EPHA3: variants seen among roughly 807,000 people sequenced by gnomAD.
EPHA3 encodes EPH receptor A3.
A neutral mutation model predicts 107.1 loss-of-function variants in EPHA3; 42 were observed. The ratio of observed to expected loss-of-function variants is 0.39; its 90% confidence interval spans 0.31 to 0.51. The LOEUF (loss-of-function observed/expected upper bound fraction) is 0.51. Among genes scored for constraint, EPHA3 ranks in the 20% least tolerant of loss-of-function variants. EPHA3 has a pLI of 0.78. For missense variants in EPHA3, 1,183 were observed against 1,211.2 expected, an observed-to-expected ratio of 0.98 and a Z score of 0.35; for synonymous variants, 461 against 424.8, an observed-to-expected ratio of 1.09 and a Z score of -1.05.
chr3:89,306,565 G>A (rs776035004), intron 3 of EPHA3, among the ~76,000 whole-genome samples: 3 of 152,056 alleles, frequency 2.0e-5, no homozygotes, highest in Non-Finnish European at 4.4e-5. Context: ...GTTGAATGTG[G>A]CCCAACCTTC....
At position 89,232,213 on chromosome 3, in the gene EPHA3, C is replaced by A. The variant is rs143037391; in HGVS notation, c.814+21693C>A. Among the ~76,000 whole-genome samples the A allele has an allele frequency of 5.3e-3, 812 of 152,030 alleles. 7 individuals carry two copies. The highest frequency in any genetic ancestry group is 0.018 in the African/African-American group (761 of 41,450). On this transcript the variant is annotated intron_variant, in intron 3 of 16. Coordinates refer to ENST00000336596, the MANE Select transcript of EPHA3 (RefSeq NM_005233.6). ...TATTTCCATTTGCTTATAAAAAATT[C>A]CTTAAGGAATTTTAATTCACATGTA...
Position 89,171,445 on chromosome 3 carries a change from A to G in EPHA3, c.154-38415A>G, listed in dbSNP as rs146397222. 2.7e-4 allele frequency among the ~76,000 whole-genome samples: 41 copies of G among 152,306 alleles called. No homozygotes were observed. The East Asian group carries it at 7.9e-3, about 29-fold the overall frequency. On this transcript the variant is annotated intron_variant, in intron 2 of 16. Transcript: ENST00000336596. Reference sequence around the variant, plus strand: ...TACAATGAAGCAAGCAATGGATATAATAGGTGTTTTTCTTATGACACAAAT... The same window carrying G: ...TACAATGAAGCAAGCAATGGATATAGTAGGTGTTTTTCTTATGACACAAAT...
At chr3:89,294,958 A>G (rs569383012) in intron 3 of EPHA3, among the ~76,000 whole-genome samples, 4 of 152,168 alleles carry the variant, frequency 2.6e-5, no homozygotes, top group Admixed American at 6.6e-5. Flanking sequence ...CAGTTAAATT[A>G]TTGAAAAACA....
intron 13 of EPHA3, among the ~76,000 whole-genome samples, chr3:89,433,626 T>A (rs1258857265): frequency 3.3e-5 from 5 of 152,310 alleles, no homozygotes; most frequent in Middle Eastern, 3.4e-3. Context: ...GAGTATTTTT[T>A]AAAAAGTCCT....
chr3:89,207,740 C>T (rs565640820), intron 2 of EPHA3, among the ~76,000 whole-genome samples: 2 of 152,048 alleles, frequency 1.3e-5, no homozygotes, highest in East Asian at 3.9e-4. Flanking sequence ...ATAAATTTAA[C>T]TACAATATTT....
chr3:89,189,246 C>T (rs551263643), intron 2 of EPHA3, among the ~76,000 whole-genome samples: 2 of 152,284 alleles, frequency 1.3e-5, no homozygotes, highest in East Asian at 3.9e-4. Context: ...AAAGTCCAAA[C>T]CTTCATTTCA....
At chr3:89,128,109 T>C (rs2106977228) in intron 2 of EPHA3, among the ~76,000 whole-genome samples, 1 of 152,300 alleles carries the variant, frequency 6.6e-6, no homozygotes, top group South Asian at 2.1e-4. Context: ...TGTATTCCTG[T>C]CCTTCTATGA....
chr3:89,164,793 C>T (rs1705028434), intron 2 of EPHA3, among the ~76,000 whole-genome samples: 1 of 152,066 alleles, frequency 6.6e-6, no homozygotes, highest in African/African-American at 2.4e-5. Context: ...GGATAATGCC[C>T]CAGAACACCC....
At chr3:89,429,854 G>T (rs994250552) in intron 12 of EPHA3, among the ~76,000 whole-genome samples, 2 of 152,060 alleles carry the variant, frequency 1.3e-5, no homozygotes, top group Non-Finnish European at 1.5e-5. Context: ...ATCCCCGCCT[G>T]CTGGGTTCAA....
At chr3:89,340,351 A>G (rs568252223) in intron 3 of EPHA3, among the ~76,000 whole-genome samples, 20 of 152,324 alleles carry the variant, frequency 1.3e-4, no homozygotes, top group Non-Finnish European at 2.8e-4. Flanking sequence ...GGCCATTGCC[A>G]TAGGAAGTAA....
At chr3:89,422,538 C>T (rs1297327784) in intron 11 of EPHA3, among the ~76,000 whole-genome samples, 2 of 151,284 alleles carry the variant, frequency 1.3e-5, no homozygotes, top group African/African-American at 4.8e-5. Context: ...CATTTCTTCG[C>T]TTGTAACAAA....
intron 2 of EPHA3, among the ~76,000 whole-genome samples, chr3:89,191,473 AT>A (rs1365177031): frequency 6.6e-6 from 1 of 151,702 alleles, no homozygotes; most frequent in African/African-American, 2.4e-5. Flanking sequence ...CGCCCGGCTA[AT>A]TTTTTGTATT....
At chr3:89,195,770 C>A (rs1448147653) in intron 2 of EPHA3, among the ~76,000 whole-genome samples, 5 of 152,118 alleles carry the variant, frequency 3.3e-5, no homozygotes, top group Non-Finnish European at 7.4e-5. Context: ...ACTCTCAGAT[C>A]CATCTGCCTC....
chr3:89,450,010 C>T (rs1709954769), intron 14 of EPHA3, among the ~76,000 whole-genome samples, 167 bp from the exon 15 acceptor site: 2 of 152,054 alleles, frequency 1.3e-5, no homozygotes, highest in Admixed American at 6.6e-5. Context: ...GCATACATAA[C>T]GTCTTATTTA....
At chr3:89,380,606 A>G (rs542369678) in intron 5 of EPHA3, among the ~76,000 whole-genome samples, 1 of 152,330 alleles carries the variant, frequency 6.6e-6, no homozygotes, top group South Asian at 2.1e-4. Context: ...AAGAGGAGGT[A>G]GTGCTAGAAA....
intron 3 of EPHA3, among the ~76,000 whole-genome samples, chr3:89,217,403 AAAAC>A (rs1208019050): frequency 6.6e-6 from 1 of 151,888 alleles, no homozygotes; most frequent in Non-Finnish European, 1.5e-5. Flanking sequence ...GGTCGTTAAA[AAAAC>A]AAAAACAAAA....
chr3:89,276,636 T>C (rs1353473017), intron 3 of EPHA3, among the ~76,000 whole-genome samples: 1 of 152,094 alleles, frequency 6.6e-6, no homozygotes, highest in Non-Finnish European at 1.5e-5. Flanking sequence ...TAGATGTTAT[T>C]TGGGAAAAAA....
chr3:89,459,402 T>C (rs1710168425), intron 15 of EPHA3, among the ~76,000 whole-genome samples: 1 of 151,980 alleles, frequency 6.6e-6, no homozygotes, highest in South Asian at 2.1e-4. Flanking sequence ...TTCTTTCTTC[T>C]CTTTCTCTTC....
intron 11 of EPHA3, among the ~76,000 whole-genome samples, chr3:89,421,867 G>T (rs1163361752): frequency 2.0e-5 from 3 of 151,064 alleles, no homozygotes; most frequent in Admixed American, 6.6e-5. Flanking sequence ...GCACTAAAAT[G>T]ACTTTTAAAA....
Sources: allele counts gnomAD v4.1 joint callset (sites outside exome capture counted in the v4.1 genomes callset), GRCh38; gene constraint gnomAD v4.1.1; transcripts MANE v1.5; gene names NCBI Gene and HGNC (gene_info 2026-07-23, HGNC 2026-07-21).